QSER1: variants seen among roughly 807,000 people sequenced by gnomAD.
The protein encoded by QSER1 is glutamine and serine rich 1.
In QSER1, 49 loss-of-function variants were observed where a neutral mutation model predicts 158.5. The observed-to-expected ratio is 0.31, with a 90% CI of 0.25 to 0.39. The LOEUF is 0.39. Ranked by LOEUF, QSER1 falls within the 10% of genes least tolerant of loss-of-function variation. QSER1 has a pLI of 1.00. For missense variants in QSER1, 1,754 were observed against 2,010.3 expected (o/e 0.87, Z 2.44); for synonymous variants, 650 against 715.5 (o/e 0.91, Z 1.46).
intron 4 of QSER1, among the ~76,000 whole-genome samples, chr11:32,948,346 CACTA>C (rs1852369663): frequency 6.6e-6 from 1 of 152,242 alleles, no homozygotes; most frequent in African/African-American, 2.4e-5. Context: ...TAGAGCAAAT[CACTA>C]ACTGACTTGG....
chr11:32,931,980 C>G lies in QSER1; in HGVS notation c.722C>G (p.Ala241Gly). The change falls in exon 4 of 13, where the codon GCT becomes GGT. Residue 241 changes from alanine to glycine, a missense_variant. Physicochemically the swap from Ala to Gly is moderately conservative, Grantham distance 60. Transcript: ENST00000650167. ...IKTSQGTVPT[A>G]LAFERLGSSV... ...ACTTCCCAGGGAACTGTTCCAACTG[C>G]TTTGGCATTTGAGCGCCTGGGCAGT... 1 of 1,614,220 alleles carries G rather than the reference C, an allele frequency of 6.2e-7. No homozygotes were observed. The highest frequency in any genetic ancestry group is 2.2e-5 in the East Asian group (1 of 44,884).
rs765106540 is a variant in QSER1 at position 32,935,413 on chromosome 11, T to C, written c.4155T>C (p.Thr1385=). The C allele has an allele frequency of 8.6e-6, 13 of 1,520,186 alleles. No individual in the cohort carries two copies. The highest frequency in any genetic ancestry group is 1.1e-5 in the Non-Finnish European group (13 of 1,142,368). 94.2% of individuals were successfully genotyped at this position (1,520,186 alleles called of 1,614,324 possible). Reference sequence around the variant, plus strand: ...CTCCCTTAACTACTTTGGATGCTACTTCTGATAAAAAGAAGAAAACAGGTA... The same window carrying C: ...CTCCCTTAACTACTTTGGATGCTACCTCTGATAAAAAGAAGAAAACAGGTA... The part of the protein sequence containing the change: ...VSTPLTTLDA[T]SDKKKKTEAL... The change falls in exon 4 of 13, where the codon ACT becomes ACC. Residue 1385 remains threonine (T), a synonymous_variant. Transcript: ENST00000650167.
At chr11:32,898,578 AATTT>A (rs1564923795) in intron 1 of QSER1, among the ~76,000 whole-genome samples, 2 of 149,014 alleles carry the variant, frequency 1.3e-5, no homozygotes, top group African/African-American at 5.0e-5. Flanking sequence ...AATTTTTTTT[AATTT>A]ATTTTCTTTT....
In QSER1 at chr11:32,976,668, A is replaced by AGTGGCCTTCTGCAGGCCGGCCGCTTCC; in HGVS notation, c.*194_*195insGTGGCCTTCTGCAGGCCGGCCGCTTCC. ...AGTTAGTCCTCTGGAAATGGACCTA[A>AGTGGCCTTCTGCAGGCCGGCCGCTTCC]ATCCCACCACATTTTTACCCTAATG... On this transcript the variant is annotated 3_prime_UTR_variant, in exon 13 of 13. Coordinates refer to ENST00000650167, the MANE Select transcript of QSER1 (RefSeq NM_001076786.3). The AGTGGCCTTCTGCAGGCCGGCCGCTTCC allele has an allele frequency of 1.9e-6, 1 of 536,578 alleles. No individual in the cohort carries two copies. The highest frequency in any genetic ancestry group is 3.3e-6 in the Non-Finnish European group (1 of 305,176). The allele number at this position is 536,578 out of a possible 1,614,324, so 33.2% of individuals were successfully genotyped here.
chr11:32,956,220 T>A (rs1564943297), intron 7 of QSER1, 99 bp downstream of exon 7: 1 of 1,140,826 alleles, frequency 8.8e-7, no homozygotes, highest in East Asian at 2.5e-5. Context: ...AGATTTTTTT[T>A]ATTATACACA....
At position 32,973,403 on chromosome 11, in the gene QSER1, T is replaced by G; in HGVS notation, c.5212T>G (p.Leu1738Val). The change falls in exon 11 of 13, where the codon TTG (leucine) becomes GTG (valine). Residue 1738 changes from leucine (L) to valine (V), a missense_variant. Transcript: ENST00000650167. ...LHLDQSFKNA[L>V]ESFPELTIIT... is the part of the protein sequence containing the mutation. ...TTGCTTCATTGTTTTCCAGAATGCT[T>G]TGGAAAGTTTTCCTGAACTAACAAT... 1 of 1,613,352 alleles carries G rather than the reference T, an allele frequency of 6.2e-7. No homozygotes were observed. Among genetic ancestry groups the G allele is most frequent in the Non-Finnish European group, 8.5e-7 (1 of 1,179,762 alleles).
chr11:32,908,857 T>C (rs1851727870), intron 1 of QSER1, among the ~76,000 whole-genome samples: 1 of 152,184 alleles, frequency 6.6e-6, no homozygotes, highest in African/African-American at 2.4e-5. Flanking sequence ...TACCATTTTG[T>C]ATTCCTATCA....
chr11:32,930,455 C>T (rs1404216935), intron 3 of QSER1, among the ~76,000 whole-genome samples: 1 of 151,578 alleles, frequency 6.6e-6, no homozygotes, highest in African/African-American at 2.4e-5. Flanking sequence ...TTTCAAAGAG[C>T]CAGAGAATTG....
chr11:32,903,455 T>C (rs1234568128), intron 1 of QSER1, among the ~76,000 whole-genome samples: 1 of 150,580 alleles, frequency 6.6e-6, no homozygotes, highest in Admixed American at 6.7e-5. Context: ...GGGATGTGGA[T>C]GGAGGAGGCG....
chr11:32,931,999 G>A lies in QSER1; in HGVS notation c.741G>A (p.Leu247=), dbSNP rs1452963624. Residue 247 remains leucine (L), a synonymous_variant, in exon 4 of 13, where the codon CTG becomes CTA. Transcript: ENST00000650167. Reference sequence around the variant, plus strand: ...CAACTGCTTTGGCATTTGAGCGCCTGGGCAGTTCTGTATTAAGTAACAGCA... The same window carrying A: ...CAACTGCTTTGGCATTTGAGCGCCTAGGCAGTTCTGTATTAAGTAACAGCA... The part of the protein sequence containing the change: ...TVPTALAFER[L]GSSVLSNSIP... The A allele has an allele frequency of 3.1e-6, 5 of 1,614,202 alleles. No individual in the cohort carries two copies. Among genetic ancestry groups the A allele is most frequent in the East Asian group, 2.2e-5 (1 of 44,884 alleles).
chr11:32,902,215 A>C (rs1241143696), intron 1 of QSER1, among the ~76,000 whole-genome samples: 1 of 152,188 alleles, frequency 6.6e-6, no homozygotes, highest in Non-Finnish European at 1.5e-5. Context: ...AGATCTGAGG[A>C]AGCAGCAAGT....
chr11:32,915,423 T>C (rs917854151), intron 1 of QSER1, among the ~76,000 whole-genome samples: 5 of 152,118 alleles, frequency 3.3e-5, no homozygotes, highest in African/African-American at 1.2e-4. Context: ...TTAGCTGAGG[T>C]AATACTTGGA....
chr11:32,954,800 A>G (rs1852484005), intron 5 of QSER1, among the ~76,000 whole-genome samples: 1 of 152,166 alleles, frequency 6.6e-6, no homozygotes, highest in African/African-American at 2.4e-5. Flanking sequence ...GATTACAGGC[A>G]TGTAATCCTC....
intron 3 of QSER1, among the ~76,000 whole-genome samples, chr11:32,929,532 A>C (rs1852018221): frequency 6.6e-6 from 1 of 152,204 alleles, no homozygotes; most frequent in Non-Finnish European, 1.5e-5. Context: ...TTTTACTATC[A>C]TACGGCCATT....
chr11:32,904,685 G>A (rs956033174), intron 1 of QSER1, among the ~76,000 whole-genome samples: 2 of 143,124 alleles, frequency 1.4e-5, no homozygotes, highest in Non-Finnish European at 3.0e-5. Context: ...CTAAAATGGT[G>A]TTAGGAATGC....
intron 7 of QSER1, 41 bp from the exon 8 acceptor site, chr11:32,957,828 A>G (rs771577571): frequency 2.0e-6 from 3 of 1,470,088 alleles, no homozygotes; most frequent in East Asian, 4.6e-5. Context: ...TAGTTTAACA[A>G]GATTTCAGTG....
At position 32,897,647 on chromosome 11, in the gene QSER1, T is replaced by C. The variant is rs183971624; in HGVS notation, c.209+4313T>C. Among the ~76,000 whole-genome samples the C allele has an allele frequency of 3.6e-4, 55 of 152,348 alleles. No individual in the cohort carries two copies. The East Asian group carries it at 5.8e-3, about 16-fold the overall frequency. ...AATTTCTTGTTCATTCCTTGCTTTC[T>C]CCTGCGGACTCACATCCACGTCCAT... On this transcript the variant is annotated intron_variant, in intron 1 of 12. Transcript: ENST00000650167.
intron 8 of QSER1, among the ~76,000 whole-genome samples, chr11:32,964,717 C>CATAT (rs375985842): frequency 0.3 from 18,992 of 63,396 alleles, 3,360 homozygotes; most frequent in Non-Finnish European, 0.35. Flanking sequence ...AAAAAAACAC[C>CATAT]ATATATATAT....
intron 4 of QSER1, among the ~76,000 whole-genome samples, chr11:32,952,957 C>G (rs1852448986): frequency 6.6e-6 from 1 of 151,932 alleles, no homozygotes; most frequent in African/African-American, 2.4e-5. Flanking sequence ...CGCGCACCAC[C>G]ACGCCCAGCT....
Sources: gnomAD v4.1 joint callset for allele counts (sites outside exome capture counted in the v4.1 genomes callset) on GRCh38, gnomAD v4.1.1 for gene constraint, MANE v1.5 for transcripts, NCBI Gene and HGNC (gene_info 2026-07-23, HGNC 2026-07-21) for gene names.